Variants in FTCD observed in about 807,000 individuals in gnomAD.
The protein encoded by FTCD is formimidoyltransferase cyclodeaminase.
FTCD carries 76 observed loss-of-function variants against 62.9 expected under a neutral mutation model. The ratio of observed to expected loss-of-function variants is 1.21; its 90% CI spans 1.00 to 1.46. The LOEUF (loss-of-function observed/expected upper bound fraction) is 1.46, where lower values mean the gene tolerates loss of function less well. FTCD is among the 40% of genes most tolerant of loss of function. FTCD has a pLI of 0.00. For missense variants in FTCD, 845 were observed against 751.3 expected (o/e 1.12, Z -1.46); for synonymous variants, 397 against 336.9 (o/e 1.18, Z -1.95).
intron 2 of FTCD, 46 bp from the exon 3 acceptor site, chr21:46,153,081 G>GGGTGGGAGCTCCATGGGGTTCTC: frequency 6.5e-7 from 1 of 1,529,326 alleles, no homozygotes; most frequent in Non-Finnish European, 8.8e-7. Flanking sequence ...GTGTGGGAGC[G>GGGTGGGAGCTCCATGGGGTTCTC]GGTGGGAGCT....
intron 3 of FTCD, 103 bp downstream of exon 3, chr21:46,152,804 T>C (rs2079324266): frequency 1.0e-6 from 1 of 1,002,168 alleles, no homozygotes; most frequent in African/African-American, 1.7e-5. Context: ...ACTCTGCCCT[T>C]GCAAGAGCAG....
At chr21:46,142,061 G>A (rs1308367144) in intron 10 of FTCD, 3 of 152,490 alleles carry the variant, frequency 2.0e-5, no homozygotes, top group South Asian at 2.1e-4. Context: ...CGAAGGCGGG[G>A]TGAACCCCCG....
Position 46,138,497 on chromosome 21 carries a change from GGC to G in FTCD, c.1443+9_1443+10del. 1 of 1,578,554 alleles carries G rather than the reference GGC, an allele frequency of 6.3e-7. No individual in the cohort carries two copies. Among genetic ancestry groups the G allele is most frequent in the Non-Finnish European group, 8.6e-7 (1 of 1,169,508 alleles). On this transcript the variant is annotated intron_variant, in intron 12 of 13. Transcript: ENST00000397746. ...GCGGCAGGAGGCCTGGGGTCCCCCG[GGC>G]CCCCCTACCTGGAGGTCTGACCGGC...
At chr21:46,141,942 C>A (rs1403874186) in intron 10 of FTCD, among the ~76,000 whole-genome samples, 3 of 152,146 alleles carry the variant, frequency 2.0e-5, no homozygotes, top group Non-Finnish European at 4.4e-5. Context: ...GTGCTTCCCC[C>A]AGTGGAAAAC....
intron 5 of FTCD, among the ~76,000 whole-genome samples, chr21:46,151,121 C>T (rs998731019): frequency 7.9e-5 from 12 of 152,168 alleles, no homozygotes; most frequent in African/African-American, 1.9e-4. Flanking sequence ...CCCGGAGTGA[C>T]GCTCAGACCG....
chr21:46,153,076 G>T, intron 2 of FTCD, 41 bp from the exon 3 acceptor site: 3 of 1,530,774 alleles, frequency 2.0e-6, no homozygotes, highest in Non-Finnish European at 1.8e-6. Flanking sequence ...GCCAGGTGTG[G>T]GAGCGGGTGG....
rs61735837 is a variant in FTCD at position 46,154,246 on chromosome 21, G to A, written c.141C>T (p.Thr47=). ...CCGGCGGCCCCACGAAGGTGTACAC[G>A]GTGCGGTTGGTGGAAGGGCCTGCGT... ...DVDAGPSTNR[T]VYTFVGPPEC... Residue 47 remains threonine, a synonymous_variant, in exon 2 of 14, where the codon ACC becomes ACT. Coordinates refer to ENST00000397746, the MANE Select transcript of FTCD (RefSeq NM_206965.2). 232 of 1,612,732 alleles carry A rather than the reference G, an allele frequency of 1.4e-4. No homozygotes were observed. The African/African-American group carries it at 2.3e-3, about 16-fold the overall frequency.
intron 10 of FTCD, among the ~76,000 whole-genome samples, chr21:46,143,019 C>T (rs1359866127): frequency 6.6e-6 from 1 of 152,160 alleles, no homozygotes; most frequent in African/African-American, 2.4e-5. Flanking sequence ...CCCACCAGAC[C>T]CAGAAGCCCA....
At chr21:46,142,365 C>T (rs143135553) in intron 10 of FTCD, 715 of 130,140 alleles carry the variant, frequency 5.5e-3, no homozygotes, top group African/African-American at 0.011. Context: ...TTACAGGTGG[C>T]GCGTCGGGAG....
At chr21:46,155,355 C>T (rs1476759901) in intron 1 of FTCD, 115 bp downstream of exon 1, 1 of 875,466 alleles carries the variant, frequency 1.1e-6, no homozygotes, top group Non-Finnish European at 1.9e-6. Flanking sequence ...CGGCTCTGCC[C>T]ATCCTGGGAA....
rs369161630 is a variant in FTCD at position 46,152,914 on chromosome 21, G to A, written c.360C>T (p.Asp120=). The A allele has an allele frequency of 1.8e-5, 29 of 1,570,718 alleles. No individual in the cohort carries two copies. The highest frequency in any genetic ancestry group is 1.7e-4 in the Middle Eastern group (1 of 5,994). The part of the protein sequence containing the change: ...AFGQRLAEEL[D]VPVYLYGEAA... ...GCGGGGGGGCACGCTCACCTGGCAC[G>A]TCCAGCTCCTCTGCCAGCCTCTGGC... is the stretch of plus-strand genomic sequence containing the variant. Residue 120 remains aspartate (D), a synonymous_variant, in exon 3 of 14, where the codon GAC becomes GAT. Transcript: ENST00000397746.
At chr21:46,144,923 G>A (rs1056420650) in intron 10 of FTCD, among the ~76,000 whole-genome samples, 5 of 151,436 alleles carry the variant, frequency 3.3e-5, no homozygotes, top group African/African-American at 1.2e-4. Flanking sequence ...TTGGAGGGAG[G>A]TGGGGTCACT....
intron 10 of FTCD, among the ~76,000 whole-genome samples, chr21:46,144,336 C>A (rs891978476): frequency 6.8e-6 from 1 of 147,036 alleles, no homozygotes; most frequent in Non-Finnish European, 1.5e-5. Flanking sequence ...GAAAAACCCA[C>A]AGACCCTGTA....
downstream of FTCD, chr21:46,136,749 G>GC: frequency 6.7e-7 from 1 of 1,489,002 alleles, no homozygotes. Context: ...TCTCAGCCCT[G>GC]CCCCCAAAAC....
At chr21:46,147,119 C>T (rs1044058241) in intron 7 of FTCD, among the ~76,000 whole-genome samples, 4 of 152,230 alleles carry the variant, frequency 2.6e-5, no homozygotes, top group Admixed American at 2.6e-4. Flanking sequence ...GGGGCAACTG[C>T]CCCTCTCTGG....
intron 9 of FTCD, 60 bp from the exon 10 acceptor site, chr21:46,145,638 G>A: frequency 7.5e-7 from 1 of 1,332,112 alleles, no homozygotes; most frequent in Non-Finnish European, 1.0e-6. Context: ...ACCGACCCCA[G>A]GAAGAGCCAG....
chr21:46,140,038 TAC>T (rs976132218), intron 10 of FTCD, among the ~76,000 whole-genome samples: 2 of 152,196 alleles, frequency 1.3e-5, no homozygotes, highest in East Asian at 3.8e-4. Flanking sequence ...GGTGGGGAAA[TAC>T]AGTTTTCTAT....
intron 3 of FTCD, 110 bp downstream of exon 3, chr21:46,152,797 C>G (rs1241227746): frequency 4.3e-6 from 4 of 927,438 alleles, no homozygotes; most frequent in South Asian, 1.8e-5. Context: ...TTGGAACACT[C>G]TGCCCTTGCA....
rs765531435 is a variant in FTCD, at chr21:46,137,063, C to CG, written c.1549dup (p.Arg517ProfsTer84). On this transcript the variant is annotated frameshift_variant, in exon 14 of 14. Coordinates refer to ENST00000397746, the MANE Select transcript of FTCD (RefSeq NM_206965.2). LOFTEE classifies it high-confidence loss of function. ...GGCTTCCTGCAGGAGGCTGGAAACA[C>CG]GATGGTGGATCTGATGGACACAGGG... 8 of 1,613,786 alleles carry CG rather than the reference C, an allele frequency of 5.0e-6. No homozygotes were observed. Among genetic ancestry groups the CG allele is most frequent in the Non-Finnish European group, 6.8e-6 (8 of 1,180,002 alleles).
Sources: gnomAD v4.1 joint callset for allele counts (sites outside exome capture counted in the v4.1 genomes callset) on GRCh38, gnomAD v4.1.1 for gene constraint, MANE v1.5 for transcripts, NCBI Gene and HGNC (gene_info 2026-07-23, HGNC 2026-07-21) for gene names.